Variants in KIF7 observed in about 807,000 individuals in gnomAD.
The protein encoded by KIF7 is kinesin family member 7.
In KIF7, 104 loss-of-function variants were observed where a neutral mutation model predicts 135.7. The observed-to-expected ratio is 0.77, with a 90% CI of 0.65 to 0.90. The LOEUF is 0.90. Among genes scored for constraint, KIF7 ranks in the 40% least tolerant of loss-of-function variants. The pLI is 0.00. For synonymous variants in KIF7, 883 were observed against 809.4 expected, an observed-to-expected ratio of 1.09 and a Z score of -1.54; for missense variants, 2,005 against 1,839.1, an observed-to-expected ratio of 1.09 and a Z score of -1.65.
chr15:89,648,035 T>C (rs1439186864), intron 5 of KIF7, among the ~76,000 whole-genome samples: 2 of 152,216 alleles, frequency 1.3e-5, no homozygotes, highest in Non-Finnish European at 2.9e-5. Flanking sequence ...CACTAAGAGA[T>C]GGGGTAAGTC....
chr15:89,626,875 A>G (rs143736923), downstream of KIF7: 62 of 1,475,860 alleles, frequency 4.2e-5, no homozygotes, highest in African/African-American at 7.5e-4. Flanking sequence ...TTTTGTGTGT[A>G]ACCCTCTGCA....
chr15:89,630,399 A>G lies in KIF7; in HGVS notation c.3206T>C (p.Val1069Ala). The G allele has an allele frequency of 6.2e-7, 1 of 1,612,616 alleles. No homozygotes were observed. The highest frequency in any genetic ancestry group is 2.2e-5 in the East Asian group (1 of 44,864). Residue 1069 changes from valine to alanine, a missense_variant, in exon 16 of 19, where the codon GTG becomes GCG. Coordinates refer to ENST00000394412, the MANE Select transcript of KIF7 (RefSeq NM_198525.3). ...KNEAITCRQR[V>A]LRASASLLSQ... ...CAGCAACGAGGCTGAGGCCCGAAGC[A>G]CCCGCTGGCGGCATGTGATGGCCTC...
At chr15:89,623,788 T>G (rs1963463141), downstream of KIF7, 1 of 1,613,450 alleles carries the variant, frequency 6.2e-7, no homozygotes, top group East Asian at 2.2e-5. Context: ...CTTAAAAGAC[T>G]CCTCCTCACC....
intron 6 of KIF7, 123 bp from the exon 7 acceptor site, chr15:89,647,180 T>TTTGAC: frequency 9.8e-6 from 8 of 813,932 alleles, no homozygotes; most frequent in Non-Finnish European, 1.6e-5. Context: ...GAGTGTCAAA[T>TTTGAC]ACTCCTCTCC....
intron 12 of KIF7, 126 bp from the exon 13 acceptor site, chr15:89,633,392 G>A (rs2142001694): frequency 7.9e-7 from 1 of 1,266,006 alleles, no homozygotes; most frequent in Admixed American, 2.0e-5. Context: ...GTGTCCCCCA[G>A]ACCCATCCCA....
At position 89,631,378 on chromosome 15, in the gene KIF7, T is replaced by C. The variant is rs542538111; in HGVS notation, c.3111+117A>G. On this transcript the variant is annotated intron_variant, in intron 15 of 18. Transcript: ENST00000394412. Reference sequence around the variant, plus strand: ...CCCACCTCCACCTAACAGTGAAAACTTGGGTCTGCCGACAGCAAGGCCCAG... The same window carrying C: ...CCCACCTCCACCTAACAGTGAAAACCTGGGTCTGCCGACAGCAAGGCCCAG... 9 of 909,834 alleles carry C rather than the reference T, an allele frequency of 9.9e-6. No individual in the cohort carries two copies. The Admixed American group carries it at 1.5e-4, about 15-fold the overall frequency. 56.4% of individuals were successfully genotyped at this position (909,834 alleles called of 1,614,324 possible). A position where few individuals can be genotyped will look rare whatever the true frequency, so the allele number is the denominator to read the frequency against.
chr15:89,652,490 TC>T, intron 2 of KIF7, 112 bp downstream of exon 2: 2 of 837,286 alleles, frequency 2.4e-6, no homozygotes, highest in Non-Finnish European at 3.7e-6. Flanking sequence ...CGACTCTTCC[TC>T]CCCCAGCATC....
intron 11 of KIF7, among the ~76,000 whole-genome samples, chr15:89,640,899 A>G (rs978555957): frequency 6.6e-6 from 1 of 151,802 alleles, no homozygotes; most frequent in Non-Finnish European, 1.5e-5. Flanking sequence ...GCTACTCAGG[A>G]GGCTGAGGCA....
rs180758272 is a variant in KIF7 at position 89,649,809 on chromosome 15, C to T, written c.461G>A (p.Arg154Gln). Residue 154 changes from arginine (R) to glutamine (Q), a missense_variant, in exon 3 of 19, where the codon CGA (arginine) becomes CAA (glutamine). Physicochemically the swap from Arg to Gln is conservative, Grantham distance 43. Transcript: ENST00000394412. Reference protein sequence around the residue: ...SYLEVYKEEFRDLLEVGTASR... With the variant: ...SYLEVYKEEFQDLLEVGTASR... ...GGCAGTGCCCACCTCGAGCAGGTCT[C>T]GGAACTCCTCCTTGTACACTTCCAG... 9.1e-5 allele frequency: 141 copies of T among 1,551,792 alleles called. No individual in the cohort carries two copies. The African/African-American group carries it at 1.7e-3, about 18-fold the overall frequency.
chr15:89,656,033 T>A (rs1301586183), upstream of KIF7, among the ~76,000 whole-genome samples: 2 of 152,188 alleles, frequency 1.3e-5, no homozygotes, highest in African/African-American at 4.8e-5. Flanking sequence ...AATGGGTGAA[T>A]TTTAAAATCT....
chr15:89,621,505 G>T (rs1261392179), intron 1 of KIF7: 1 of 1,613,946 alleles, frequency 6.2e-7, no homozygotes, highest in African/African-American at 1.3e-5. Context: ...GAATGAAAAA[G>T]CGTTCAAGAA....
intron 2 of KIF7, 112 bp downstream of exon 2, chr15:89,652,491 C>A (rs145451631): frequency 2.4e-6 from 2 of 846,622 alleles, no homozygotes; most frequent in Non-Finnish European, 3.6e-6. Context: ...GACTCTTCCT[C>A]CCCCAGCATC....
At chr15:89,661,775 G>A in the KIF7 span, among the ~76,000 whole-genome samples, 1 of 151,588 alleles carries the variant, frequency 6.6e-6, no homozygotes, top group East Asian at 1.9e-4. Context: ...AGGCTGGAGT[G>A]CAATGGCGTG....
rs777202140 is a variant in KIF7 at position 89,633,875 on chromosome 15, C to T, written c.2403G>A (p.Lys801=). 6 of 1,613,704 alleles carry T rather than the reference C, an allele frequency of 3.7e-6. No homozygotes were observed. In the African/African-American group the frequency reaches 8.0e-5, roughly 22 times the overall value. ...GCCGCTCCGTAGCCTGCTTCTTCTCCTTCAGCACCTGGGACCCACACAGTC... is the reference window on the plus strand; with the variant it reads ...GCCGCTCCGTAGCCTGCTTCTTCTCTTTCAGCACCTGGGACCCACACAGTC... ...AAAQSQVQVL[K]EKKQATERLV... is the part of the protein sequence containing the mutation. Residue 801 remains lysine (K), a synonymous_variant, in exon 12 of 19, where the codon AAG becomes AAA. Coordinates refer to ENST00000394412, the MANE Select transcript of KIF7 (RefSeq NM_198525.3).
At position 89,647,703 on chromosome 15, in the gene KIF7, C is replaced by T. The variant is rs1964040774; in HGVS notation, c.1453G>A (p.Gly485Arg). 1 of 1,572,582 alleles carries T rather than the reference C, an allele frequency of 6.4e-7. No individual in the cohort carries two copies. The highest frequency in any genetic ancestry group is 1.4e-5 in the African/African-American group (1 of 74,002). ...TGCAGGGTCAGCAGCTGCTGCGCCC[C>T]CTCATCCTCCTATAGGGCAGGGAGA... ...QGAGGRKEDE[G>R]AQQLLTLQNQ... The change falls in exon 6 of 19, where the codon GGG (glycine) becomes AGG (arginine). Residue 485 changes from glycine (G) to arginine (R), a missense_variant. Gly to Arg is a moderately radical substitution (Grantham distance 125). Coordinates refer to ENST00000394412, the MANE Select transcript of KIF7 (RefSeq NM_198525.3).
chr15:89,630,615 G>T, intron 15 of KIF7, 122 bp from the exon 16 acceptor site: 1 of 818,008 alleles, frequency 1.2e-6, no homozygotes, highest in African/African-American at 1.7e-5. Flanking sequence ...CGTCCCAAGG[G>T]CCAAGTCAGC....
chr15:89,633,308 G>A (rs1567059807), intron 12 of KIF7, 42 bp from the exon 13 acceptor site: 1 of 1,539,458 alleles, frequency 6.5e-7, no homozygotes, highest in Non-Finnish European at 8.7e-7. Flanking sequence ...TATGGTGCCA[G>A]CATCTTACCA....
rs1409898901 is a variant in KIF7, at chr15:89,649,356, C to T, written c.541G>A (p.Val181Met). 1.1e-5 allele frequency: 16 copies of T among 1,461,136 alleles called. No homozygotes were observed. The East Asian group carries it at 3.2e-4, about 30-fold the overall frequency. The allele number at this position is 1,461,136 out of a possible 1,614,324, so 90.5% of individuals were successfully genotyped here. The part of the protein sequence containing the change: ...DERGNVVLCG[V>M]KEVDVEGLDE... The stretch of plus-strand genomic sequence containing the variant: ...AGGCCCTCCACGTCGACCTCCTTCA[C>T]CCCGCACAGCACTGCGGGCACAGAA... Residue 181 changes from valine (V) to methionine (M), a missense_variant, in exon 4 of 19, where the codon GTG becomes ATG. By Grantham distance (21) the Val-to-Met change is conservative. Coordinates refer to ENST00000394412, the MANE Select transcript of KIF7 (RefSeq NM_198525.3).
downstream of KIF7, chr15:89,627,060 A>G (rs753972027): frequency 6.2e-7 from 1 of 1,614,190 alleles, no homozygotes; most frequent in East Asian, 2.2e-5. Flanking sequence ...GAAGAAGCTC[A>G]TGGGAACCTG....
Sources: allele counts gnomAD v4.1 joint callset (sites outside exome capture counted in the v4.1 genomes callset), GRCh38; gene constraint gnomAD v4.1.1; transcripts MANE v1.5; gene names NCBI Gene and HGNC (gene_info 2026-07-23, HGNC 2026-07-21).